The following R3HDM4 variants were observed in gnomAD, a reference collection of about 807,000 sequenced individuals.
R3HDM4 encodes R3H domain containing 4, also known as R3H domain-containing protein 4.
R3HDM4 carries 30 observed loss-of-function variants against 31.3 expected under a neutral mutation model. The observed-to-expected ratio is 0.96, with a 90% CI of 0.72 to 1.30. The LOEUF (loss-of-function observed/expected upper bound fraction) is 1.30, where lower values mean the gene tolerates loss of function less well. Ranked by LOEUF, R3HDM4 falls within the 50% of genes most tolerant of loss-of-function variation. The pLI, the probability that R3HDM4 is intolerant of heterozygous loss-of-function variation, is 0.00. For synonymous variants in R3HDM4, 196 were observed against 156.6 expected (o/e 1.25, Z -1.88); for missense variants, 444 against 366.1 (o/e 1.21, Z -1.74).
chr19:906,915 A>C (rs906451330), intron 1 of R3HDM4, among the ~76,000 whole-genome samples: 1 of 152,044 alleles, frequency 6.6e-6, no homozygotes, highest in African/African-American at 2.4e-5. Flanking sequence ...TCCCTGGCTC[A>C]ACCGAGTCTC....
At chr19:910,943 C>A (rs1343928753) in intron 1 of R3HDM4, among the ~76,000 whole-genome samples, 65 of 151,042 alleles carry the variant, frequency 4.3e-4, no homozygotes, top group Non-Finnish European at 4.4e-5. Context: ...CACGGCAAAA[C>A]CCCCGTCTCT....
rs184736909 is a variant in R3HDM4, at chr19:899,663, C to T, written c.585G>A (p.Glu195=). 49 of 1,602,320 alleles carry T rather than the reference C, an allele frequency of 3.1e-5. No homozygotes were observed. The East Asian group carries it at 1.1e-3, about 35-fold the overall frequency. The stretch of plus-strand genomic sequence containing the variant: ...ACACGGAGAAGAACCGAAGCAGCCG[C>T]TCCTCCCAGGTCTCCAGCGTTTCCT... ...IPMETLETWE[E]RLLRFFSVSP... is the part of the protein sequence containing the mutation. Residue 195 remains glutamate, a synonymous_variant, in exon 6 of 8, where the codon GAG becomes GAA. Coordinates refer to ENST00000361574, the MANE Select transcript of R3HDM4 (RefSeq NM_138774.4). This position sits in a 1 kb window ranked among gnomAD's most constrained non-coding sequence, Gnocchi z 6.8.
chr19:908,969 A>T (rs1426687493), intron 1 of R3HDM4, among the ~76,000 whole-genome samples: 2 of 152,214 alleles, frequency 1.3e-5, no homozygotes, highest in Non-Finnish European at 1.5e-5. Context: ...TGAATGAAGA[A>T]CTAAACTTCT....
rs578086472 is a variant in R3HDM4 at position 910,112 on chromosome 19, G to C, written c.71+2975C>G. Among the ~76,000 whole-genome samples, 4 of 152,202 alleles carry C rather than the reference G, an allele frequency of 2.6e-5. No individual in the cohort carries two copies. In the South Asian group the frequency reaches 8.3e-4, roughly 32 times the overall value. On this transcript the variant is annotated intron_variant, in intron 1 of 7. Coordinates refer to ENST00000361574, the MANE Select transcript of R3HDM4 (RefSeq NM_138774.4). ...AGGCCAAGGCCGGTGGATCACCTGA[G>C]GTTGGGAGTTCGAGACCAGCCTGAC...
chr19:913,081 G>T lies in R3HDM4; in HGVS notation c.71+6C>A. The T allele has an allele frequency of 2.0e-6, 2 of 1,024,958 alleles. No individual in the cohort carries two copies. The highest frequency in any genetic ancestry group is 2.4e-6 in the Non-Finnish European group (2 of 850,668). The allele number at this position is 1,024,958 out of a possible 1,614,324, so 63.5% of individuals were successfully genotyped here. The stretch of plus-strand genomic sequence containing the variant: ...CGCCCGCCGCGCCCCGCCCGCCCGC[G>T]CTCACAGCAGCCGCCGCCCGCCCGG... On this transcript the variant is annotated splice_donor_region_variant and intron_variant, in intron 1 of 7. Transcript: ENST00000361574. The surrounding 1 kb of genome is among the most constrained non-coding windows in gnomAD (Gnocchi z 5.0).
At chr19:902,871 G>A (rs897744755) in intron 1 of R3HDM4, among the ~76,000 whole-genome samples, 5 of 151,832 alleles carry the variant, frequency 3.3e-5, no homozygotes, top group African/African-American at 9.7e-5. Flanking sequence ...GAACCCGGGA[G>A]GCAGATGCTC....
At chr19:900,505 A>G (rs1282969943) in intron 4 of R3HDM4, among the ~76,000 whole-genome samples, 2 of 146,312 alleles carry the variant, frequency 1.4e-5, no homozygotes, top group Admixed American at 6.8e-5. Flanking sequence ...CCCCATCCAT[A>G]TCCTACCTAC....
chr19:902,076 CGA>C lies in R3HDM4; in HGVS notation c.124_125del (p.Ser42GlyfsTer98), dbSNP rs1568340880. 6.2e-7 allele frequency: 1 copy of C among 1,613,882 alleles called. No homozygotes were observed. Among genetic ancestry groups the C allele is most frequent in the East Asian group, 2.2e-5 (1 of 44,888 alleles). ...TGAAGTGCTGTTTCCGCCTGGAAGC[CGA>C]GAGTCTCTTCACCTGGGAGCTGGCT... ...ALASSQVKRL[S>X]ASRRKQHFIN... is the part of the protein sequence containing the mutation. On this transcript the variant is annotated frameshift_variant, in exon 2 of 8. Transcript: ENST00000361574. LOFTEE classifies it high-confidence loss of function.
intron 1 of R3HDM4, among the ~76,000 whole-genome samples, chr19:908,758 G>A (rs771661742): frequency 3.2e-4 from 48 of 150,128 alleles, no homozygotes; most frequent in Non-Finnish European, 4.0e-4. Flanking sequence ...CCCCAGGAAC[G>A]GCCCCGCCCC....
intron 1 of R3HDM4, among the ~76,000 whole-genome samples, chr19:910,966 A>G (rs2036964278): frequency 6.6e-6 from 1 of 151,020 alleles, no homozygotes; most frequent in South Asian, 2.1e-4. Flanking sequence ...TAAAAATACA[A>G]AAAAATTAGC....
In R3HDM4 at chr19:907,548, C is replaced by T. The variant is rs2036922137; in HGVS notation, c.72-5418G>A. 6.6e-6 allele frequency among the ~76,000 whole-genome samples: 1 copy of T among 152,142 alleles called. No individual in the cohort carries two copies. Among genetic ancestry groups the T allele is most frequent in the Admixed American group, 6.5e-5 (1 of 15,278 alleles). On this transcript the variant is annotated intron_variant, in intron 1 of 7. Transcript: ENST00000361574. This position sits in a 1 kb window ranked among gnomAD's most constrained non-coding sequence, Gnocchi z 4.1. ...GGATCTGAGGCTTGGAGAGGTGGGG[C>T]TGTCCCCCGTCACCACCCAGACAAT...
chr19:907,477 A>G lies in R3HDM4; in HGVS notation c.72-5347T>C, dbSNP rs893397249. ...GGGCGGGGCTCGGTGACACAGCTCA[A>G]GCCCTCCCAGCAAGGGGCCTGGTAT... On this transcript the variant is annotated intron_variant, in intron 1 of 7. Transcript: ENST00000361574. This position sits in a 1 kb window ranked among gnomAD's most constrained non-coding sequence, Gnocchi z 4.1. Among the ~76,000 whole-genome samples, 2 of 152,118 alleles carry G rather than the reference A, an allele frequency of 1.3e-5. No homozygotes were observed. The highest frequency in any genetic ancestry group is 2.9e-5 in the Non-Finnish European group (2 of 67,982).
intron 1 of R3HDM4, among the ~76,000 whole-genome samples, chr19:912,839 C>A (rs1295669911): frequency 6.6e-6 from 1 of 151,626 alleles, no homozygotes; most frequent in African/African-American, 2.4e-5. Context: ...AGCGAGCCCC[C>A]GGAGCGCCAG....
At chr19:898,812 G>C (rs963904018) in intron 7 of R3HDM4, among the ~76,000 whole-genome samples, 1 of 152,110 alleles carries the variant, frequency 6.6e-6, no homozygotes, top group Non-Finnish European at 1.5e-5. Context: ...GCAGAGGCAG[G>C]CATGGGGGCT....
In R3HDM4 at chr19:913,107, G is replaced by T. The variant is rs1338544283; in HGVS notation, c.51C>A (p.Thr17=). 3 of 1,082,178 alleles carry T rather than the reference G, an allele frequency of 2.8e-6. No individual in the cohort carries two copies. The highest frequency in any genetic ancestry group is 3.4e-6 in the Non-Finnish European group (3 of 893,508). The allele number at this position is 1,082,178 out of a possible 1,614,324, so 67.0% of individuals were successfully genotyped here. Residue 17 remains threonine, a synonymous_variant, in exon 1 of 8, where the codon ACC becomes ACA. Transcript: ENST00000361574. The surrounding 1 kb of genome is among the most constrained non-coding windows in gnomAD (Gnocchi z 5.0). ...PECGPEAAEG[T]PGGRRLLPLP... is the part of the protein sequence containing the mutation. ...CTCACAGCAGCCGCCGCCCGCCCGG[G>T]GTGCCCTCCGCCGCCTCCGGGCCGC...
intron 1 of R3HDM4, among the ~76,000 whole-genome samples, chr19:902,940 T>C (rs2036855728): frequency 6.6e-6 from 1 of 151,494 alleles, no homozygotes; most frequent in African/African-American, 2.4e-5. Context: ...AGACCTTGTC[T>C]CAAAAAAAAA....
At chr19:908,929 G>A (rs112378464) in intron 1 of R3HDM4, among the ~76,000 whole-genome samples, 15,099 of 152,286 alleles carry the variant, frequency 0.099, 942 homozygotes, top group South Asian at 0.19. Flanking sequence ...GCCTGTGACC[G>A]GCCCACAGCG....
chr19:900,175 C>T, intron 4 of R3HDM4, 29 bp from the exon 5 acceptor site: 1 of 1,519,384 alleles, frequency 6.6e-7, no homozygotes, highest in Non-Finnish European at 8.8e-7. Flanking sequence ...AAGGGGCAGT[C>T]TTGGGGTGCT....
rs560396455 is a variant in R3HDM4 at position 897,375 on chromosome 19, C to T, written c.*62G>A. The T allele has an allele frequency of 2.2e-4, 271 of 1,224,160 alleles. 1 individual carries two copies. Among genetic ancestry groups the T allele is most frequent in the Admixed American group, 7.4e-4 (27 of 36,650 alleles). The allele number at this position is 1,224,160 out of a possible 1,614,324, so 75.8% of individuals were successfully genotyped here. ...CTAAAAATATGAAAGATATTTTAGCCGAAGGTATCGGAGGGCTTGATGGCT... is the reference window on the plus strand; with the variant it reads ...CTAAAAATATGAAAGATATTTTAGCTGAAGGTATCGGAGGGCTTGATGGCT... On this transcript the variant is annotated 3_prime_UTR_variant, in exon 8 of 8. Transcript: ENST00000361574.
Sources: allele counts gnomAD v4.1 joint callset (sites outside exome capture counted in the v4.1 genomes callset), GRCh38; gene constraint gnomAD v4.1.1; non-coding constraint Gnocchi (gnomAD v3.1); transcripts MANE v1.5; gene names NCBI Gene and HGNC (gene_info 2026-07-23, HGNC 2026-07-21).